The following OXT variants were observed in gnomAD, a reference collection of about 807,000 sequenced individuals.
The protein encoded by OXT is oxytocin-neurophysin 1 proprotein.
OXT carries 9 observed loss-of-function variants against 11.2 expected under a neutral mutation model. The ratio of observed to expected loss-of-function variants is 0.80; its 90% CI spans 0.49 to 1.40. The LOEUF is 1.40. OXT is among the 40% of genes most tolerant of loss of function. The pLI, the probability that OXT is intolerant of heterozygous loss-of-function variation, is 0.00. For synonymous variants in OXT, 76 were observed against 80.9 expected, an observed-to-expected ratio of 0.94 and a Z score of 0.33; for missense variants, 175 against 178.7, an observed-to-expected ratio of 0.98 and a Z score of 0.12.
At position 3,071,650 on chromosome 20, in the gene OXT, C is replaced by A; in HGVS notation, c.-6C>A. 1.9e-6 allele frequency: 3 copies of A among 1,602,664 alleles called. No individual in the cohort carries two copies. Among genetic ancestry groups the A allele is most frequent in the East Asian group, 2.2e-5 (1 of 44,682 alleles). ...TCACGGACCCTGGACCCAGCGCACC[C>A]GCACCATGGCCGGCCCCAGCCTCGC... On this transcript the variant is annotated 5_prime_UTR_variant, in exon 1 of 3. Coordinates refer to ENST00000217386, the MANE Select transcript of OXT (RefSeq NM_000915.4). The surrounding 1 kb of genome is among the most constrained non-coding windows in gnomAD (Gnocchi z 4.8).
chr20:3,071,848 C>G lies in OXT; in HGVS notation c.120+73C>G. On this transcript the variant is annotated intron_variant, in intron 1 of 2. Coordinates refer to ENST00000217386, the MANE Select transcript of OXT (RefSeq NM_000915.4). This position sits in a 1 kb window ranked among gnomAD's most constrained non-coding sequence, Gnocchi z 4.8. The stretch of plus-strand genomic sequence containing the variant: ...CGCAGCCACAGGGGCGCGCCCCGCT[C>G]CGGCCTCGCCTGAGAACTCCAGGAG... 6.7e-7 allele frequency: 1 copy of G among 1,494,420 alleles called. No homozygotes were observed. Among genetic ancestry groups the G allele is most frequent in the East Asian group, 2.5e-5 (1 of 39,948 alleles). The allele number at this position is 1,494,420 out of a possible 1,614,324, so 92.6% of individuals were successfully genotyped here. A position where few individuals can be genotyped will look rare whatever the true frequency, so the allele number is the denominator to read the frequency against.
In OXT at chr20:3,071,922, GGC is replaced by G; in HGVS notation, c.120+150_120+151del. On this transcript the variant is annotated intron_variant, in intron 1 of 2. Transcript: ENST00000217386. This position sits in a 1 kb window ranked among gnomAD's most constrained non-coding sequence, Gnocchi z 4.8. ...CCTTGACCGCGGTCGAGGCCCCCAC[GGC>G]GCCCCAGCGCGTCTCAGCCCCGCTG... 1.5e-6 allele frequency: 2 copies of G among 1,349,794 alleles called. No individual in the cohort carries two copies. 83.6% of individuals were successfully genotyped at this position (1,349,794 alleles called of 1,614,324 possible). A position where few individuals can be genotyped will look rare whatever the true frequency, so the allele number is the denominator to read the frequency against.
chr20:3,071,977 C>G lies in OXT; in HGVS notation c.121-100C>G, dbSNP rs2066077534. ...CCGCCCGAACTCCGAACCCCGGACCCCAGCATCCTTGCCCGGCGCACCCCG... is the reference window on the plus strand; with the variant it reads ...CCGCCCGAACTCCGAACCCCGGACCGCAGCATCCTTGCCCGGCGCACCCCG... On this transcript the variant is annotated intron_variant, in intron 1 of 2. Transcript: ENST00000217386. The surrounding 1 kb of genome is among the most constrained non-coding windows in gnomAD (Gnocchi z 4.8). 2 of 1,370,724 alleles carry G rather than the reference C, an allele frequency of 1.5e-6. No individual in the cohort carries two copies. The highest frequency in any genetic ancestry group is 1.9e-6 in the Non-Finnish European group (2 of 1,059,258). The allele number at this position is 1,370,724 out of a possible 1,614,324, so 84.9% of individuals were successfully genotyped here.
chr20:3,072,001 C>T (rs1463797986), intron 1 of OXT, 76 bp from the exon 2 acceptor site: 1 of 1,394,432 alleles, frequency 7.2e-7, no homozygotes, highest in Non-Finnish European at 9.3e-7. Flanking sequence ...CGGCGCACCC[C>T]GGCCGGCCTC....
At chr20:3,072,306 A>AT in intron 2 of OXT, 28 bp downstream of exon 2, 4 of 1,467,832 alleles carry the variant, frequency 2.7e-6, no homozygotes, top group Non-Finnish European at 3.7e-6. Flanking sequence ...CTCCGGGGCC[A>AT]GGGGGAGGCG....
Position 3,071,965 on chromosome 20 carries a change from G to A in OXT, c.121-112G>A, listed in dbSNP as rs542826580. 152 of 1,358,976 alleles carry A rather than the reference G, an allele frequency of 1.1e-4. 1 individual carries two copies. In the Middle Eastern group the frequency reaches 2.2e-3, roughly 19 times the overall value. 84.2% of individuals were successfully genotyped at this position (1,358,976 alleles called of 1,614,324 possible). On this transcript the variant is annotated intron_variant, in intron 1 of 2. Transcript: ENST00000217386. This position sits in a 1 kb window ranked among gnomAD's most constrained non-coding sequence, Gnocchi z 4.8. Reference sequence around the variant, plus strand: ...AGCCCCGCTGTCCCGCCCGAACTCCGAACCCCGGACCCCAGCATCCTTGCC... The same window carrying A: ...AGCCCCGCTGTCCCGCCCGAACTCCAAACCCCGGACCCCAGCATCCTTGCC...
rs371824508 is a variant in OXT at position 3,072,421 on chromosome 20, C to T, written c.*3C>T. 2.8e-5 allele frequency: 45 copies of T among 1,613,010 alleles called. No individual in the cohort carries two copies. The African/African-American group carries it at 5.2e-4, about 19-fold the overall frequency. On this transcript the variant is annotated 3_prime_UTR_variant, in exon 3 of 3. Coordinates refer to ENST00000217386, the MANE Select transcript of OXT (RefSeq NM_000915.4). ...AAGCCACCTTCTCCCAGCGCTGAAACTTGATGGCTCCGAACACCCTCGAAG... is the reference window on the plus strand; with the variant it reads ...AAGCCACCTTCTCCCAGCGCTGAAATTTGATGGCTCCGAACACCCTCGAAG...
Position 3,072,200 on chromosome 20 carries a change from C to T in OXT, c.244C>T (p.Pro82Ser), listed in dbSNP as rs764706709. 4 of 1,596,422 alleles carry T rather than the reference C, an allele frequency of 2.5e-6. No homozygotes were observed. Among genetic ancestry groups the T allele is most frequent in the South Asian group, 1.1e-5 (1 of 90,326 alleles). The change falls in exon 2 of 3, where the codon CCG becomes TCG. Residue 82 changes from proline to serine, a missense_variant. Coordinates refer to ENST00000217386, the MANE Select transcript of OXT (RefSeq NM_000915.4). The part of the protein sequence containing the change: ...ALRCQEENYL[P>S]SPCQSGQKAC... ...GCGCTGCCAGGAGGAGAACTACCTG[C>T]CGTCGCCCTGCCAGTCCGGCCAGAA...
chr20:3,071,794 T>A lies in OXT; in HGVS notation c.120+19T>A, dbSNP rs770939146. The A allele has an allele frequency of 3.2e-6, 5 of 1,551,666 alleles. No homozygotes were observed. In the South Asian group the frequency reaches 3.5e-5, roughly 11 times the overall value. ...GCGCAAGGTGAGTCCCCAGCCCTGG[T>A]CCCGCGGCGCTCCGGGGAGGGAGGG... On this transcript the variant is annotated intron_variant, in intron 1 of 2. Transcript: ENST00000217386. The surrounding 1 kb of genome is among the most constrained non-coding windows in gnomAD (Gnocchi z 4.8).
rs1273562377 is a variant in OXT at position 3,072,098 on chromosome 20, G to A, written c.142G>A (p.Gly48Ser). The A allele has an allele frequency of 1.3e-6, 2 of 1,547,082 alleles. No homozygotes were observed. The highest frequency in any genetic ancestry group is 1.4e-5 in the African/African-American group (1 of 71,474). ...GCAGTGCCTCCCCTGCGGCCCCGGG[G>A]GCAAAGGCCGCTGCTTCGGGCCCAA... ...VRKCLPCGPGGKGRCFGPNIC... is the reference protein window; with the variant it reads ...VRKCLPCGPGSKGRCFGPNIC... Residue 48 changes from glycine (G) to serine (S), a missense_variant, in exon 2 of 3, where the codon GGC (glycine) becomes AGC (serine). Gly to Ser is a moderately conservative substitution (Grantham distance 56). Coordinates refer to ENST00000217386, the MANE Select transcript of OXT (RefSeq NM_000915.4).
In OXT at chr20:3,072,380, C is replaced by A; in HGVS notation, c.340C>A (p.Pro114Thr). ...CCSPDGCHAD[P>T]ACDAEATFSQ... ...TCCTCCAGACGGCTGCCACGCCGAC[C>A]CTGCCTGCGACGCGGAAGCCACCTT... The change falls in exon 3 of 3, where the codon CCT (proline) becomes ACT (threonine). Residue 114 changes from proline to threonine, a missense_variant. Transcript: ENST00000217386. The A allele has an allele frequency of 6.2e-7, 1 of 1,611,830 alleles. No homozygotes were observed. Among genetic ancestry groups the A allele is most frequent in the Non-Finnish European group, 8.5e-7 (1 of 1,179,996 alleles).
Position 3,071,987 on chromosome 20 carries a change from TG to T in OXT, c.121-89del, listed in dbSNP as rs1372803393. On this transcript the variant is annotated intron_variant, in intron 1 of 2. Transcript: ENST00000217386. This position sits in a 1 kb window ranked among gnomAD's most constrained non-coding sequence, Gnocchi z 4.8. The stretch of plus-strand genomic sequence containing the variant: ...TCCGAACCCCGGACCCCAGCATCCT[TG>T]CCCGGCGCACCCCGGCCGGCCTCGC... The T allele has an allele frequency of 3.6e-6, 5 of 1,373,640 alleles. No homozygotes were observed. The highest frequency in any genetic ancestry group is 4.7e-6 in the Non-Finnish European group (5 of 1,063,490). 85.1% of individuals were successfully genotyped at this position (1,373,640 alleles called of 1,614,324 possible). A position where few individuals can be genotyped will look rare whatever the true frequency, so the allele number is the denominator to read the frequency against.
chr20:3,072,285 G>C lies in OXT; in HGVS notation c.322+7G>C, dbSNP rs763513226. On this transcript the variant is annotated splice_region_variant and intron_variant, in intron 2 of 2. Transcript: ENST00000217386. ...GGCCTCTGCTGCAGCCCGGGTGAGCGGGGCAAGGCGCTCCGGGGCCAGGGG... is the reference window on the plus strand; with the variant it reads ...GGCCTCTGCTGCAGCCCGGGTGAGCCGGGCAAGGCGCTCCGGGGCCAGGGG... The C allele has an allele frequency of 1.2e-5, 19 of 1,595,060 alleles. No homozygotes were observed. Among genetic ancestry groups the C allele is most frequent in the South Asian group, 2.2e-5 (2 of 90,636 alleles).
Position 3,071,731 on chromosome 20 carries a change from C to T in OXT, c.76C>T (p.Pro26Ser), listed in dbSNP as rs1304900165. 6.3e-7 allele frequency: 1 copy of T among 1,588,488 alleles called. No individual in the cohort carries two copies. The highest frequency in any genetic ancestry group is 8.5e-7 in the Non-Finnish European group (1 of 1,171,750). The change falls in exon 1 of 3, where the codon CCC (proline) becomes TCC (serine). Residue 26 changes from proline (P) to serine (S), a missense_variant. By Grantham distance (74) the Pro-to-Ser change is moderately conservative. Transcript: ENST00000217386. The surrounding 1 kb of genome is among the most constrained non-coding windows in gnomAD (Gnocchi z 4.8). ...CTCCGCCTGCTACATCCAGAACTGCCCCCTGGGAGGCAAGAGGGCCGCGCC... is the reference window on the plus strand; with the variant it reads ...CTCCGCCTGCTACATCCAGAACTGCTCCCTGGGAGGCAAGAGGGCCGCGCC... ...LTSACYIQNC[P>S]LGGKRAAPDL...
Sources: gnomAD v4.1 joint callset for allele counts on GRCh38, gnomAD v4.1.1 for gene constraint, Gnocchi (gnomAD v3.1) non-coding constraint, MANE v1.5 for transcripts, NCBI Gene and HGNC (gene_info 2026-07-23, HGNC 2026-07-21) for gene names.